The following SPINT4 variants were observed in gnomAD, a reference collection of about 807,000 sequenced individuals.
SPINT4 encodes the protein serine peptidase inhibitor, Kunitz type 4, also known as kunitz-type protease inhibitor 4.
Under a neutral mutation model 9.4 loss-of-function variants are expected in SPINT4, and 7 were observed. The ratio of observed to expected loss-of-function variants is 0.74; its 90% confidence interval spans 0.42 to 1.40. The LOEUF (loss-of-function observed/expected upper bound fraction) is 1.40, where lower values mean the gene tolerates loss of function less well. SPINT4 is among the 40% of genes most tolerant of loss of function. The pLI is 0.01. For synonymous variants in SPINT4, 36 were observed against 39.9 expected, an observed-to-expected ratio of 0.90 and a Z score of 0.37; for missense variants, 105 against 114.4, an observed-to-expected ratio of 0.92 and a Z score of 0.37.
Position 45,725,650 on chromosome 20 carries a change from A to T in SPINT4, c.*15A>T. The T allele has an allele frequency of 1.9e-6, 3 of 1,613,682 alleles. No individual in the cohort carries two copies. The highest frequency in any genetic ancestry group is 2.5e-6 in the Non-Finnish European group (3 of 1,179,600). On this transcript the variant is annotated 3_prime_UTR_variant, in exon 3 of 3. Transcript: ENST00000279058. The stretch of plus-strand genomic sequence containing the variant: ...ACAGGAGGTGAGAGGATGTGAACTC[A>T]TGAAGTTGTCTGCTGCACCATCCGA...
In SPINT4 at chr20:45,724,853, G is replaced by C. The variant is rs111905671; in HGVS notation, c.294-776G>C. On this transcript the variant is annotated intron_variant, in intron 2 of 2. Transcript: ENST00000279058. ...AAATTTGCCAGGCGTGGTGGCAGGCGCCTGTAGTCCCAGCTACTCGGGAGG... is the reference window on the plus strand; with the variant it reads ...AAATTTGCCAGGCGTGGTGGCAGGCCCCTGTAGTCCCAGCTACTCGGGAGG... Among the ~76,000 whole-genome samples, 3 of 146,022 alleles carry C rather than the reference G, an allele frequency of 2.1e-5. No individual in the cohort carries two copies. In the South Asian group the frequency reaches 6.6e-4, roughly 32 times the overall value.
chr20:45,722,855 T>C lies in SPINT4; in HGVS notation c.115+373T>C, dbSNP rs149467035. 1.7e-3 allele frequency among the ~76,000 whole-genome samples: 253 copies of C among 152,248 alleles called. 8 individuals are homozygous for C. The East Asian group carries it at 0.043, about 26-fold the overall frequency. ...AGCAAATTAAGACATTTTCAGTATCTGGGCTATGGACATATACAGAACTCT... is the reference window on the plus strand; with the variant it reads ...AGCAAATTAAGACATTTTCAGTATCCGGGCTATGGACATATACAGAACTCT... On this transcript the variant is annotated intron_variant, in intron 1 of 2. Coordinates refer to ENST00000279058, the MANE Select transcript of SPINT4 (RefSeq NM_178455.3).
chr20:45,724,134 T>C (rs989675023), intron 2 of SPINT4, 77 bp downstream of exon 2: 7 of 1,427,714 alleles, frequency 4.9e-6, no homozygotes, highest in Non-Finnish European at 6.7e-6. Flanking sequence ...TAGAGAAAAT[T>C]GATCAGGGGC....
rs201068059 is a variant in SPINT4 at position 45,722,383 on chromosome 20, C to T, written c.16C>T (p.Leu6=). ...TTGCTGCACCATGAAGTCTGCCAAG[C>T]TGGGATTTCTTCTAAGATTCTTCAT... MKSAK[L]GFLLRFFIFC... The change falls in exon 1 of 3, where the codon CTG becomes TTG. Residue 6 remains leucine (L), a synonymous_variant. Transcript: ENST00000279058. The T allele has an allele frequency of 2.3e-3, 3,676 of 1,612,660 alleles. 97 individuals are homozygous for T. In the South Asian group the frequency reaches 0.038, roughly 17 times the overall value.
rs1419911287 is a variant in SPINT4, at chr20:45,723,870, T to C, written c.116-10T>C. 6.4e-7 allele frequency: 1 copy of C among 1,566,832 alleles called. No homozygotes were observed. Among genetic ancestry groups the C allele is most frequent in the African/African-American group, 1.4e-5 (1 of 71,462 alleles). ...AATTCCCACTAACTCAATGGGAACC[T>C]CTCATGCAGATCCCTGCAAATTGGA... On this transcript the variant is annotated splice_polypyrimidine_tract_variant and intron_variant, in intron 1 of 2. Coordinates refer to ENST00000279058, the MANE Select transcript of SPINT4 (RefSeq NM_178455.3).
At chr20:45,723,252 G>A (rs943645997) in intron 1 of SPINT4, among the ~76,000 whole-genome samples, 24 of 152,076 alleles carry the variant, frequency 1.6e-4, no homozygotes, top group Non-Finnish European at 4.4e-5. Flanking sequence ...CATGATTGTG[G>A]CTGTTCCAAC....
At position 45,725,640 on chromosome 20, in the gene SPINT4, A is replaced by T; in HGVS notation, c.*5A>T. The T allele has an allele frequency of 6.2e-7, 1 of 1,613,800 alleles. No homozygotes were observed. ...CTTTGCTTAAACAGGAGGTGAGAGGATGTGAACTCATGAAGTTGTCTGCTG... is the reference window on the plus strand; with the variant it reads ...CTTTGCTTAAACAGGAGGTGAGAGGTTGTGAACTCATGAAGTTGTCTGCTG... On this transcript the variant is annotated 3_prime_UTR_variant, in exon 3 of 3. Coordinates refer to ENST00000279058, the MANE Select transcript of SPINT4 (RefSeq NM_178455.3).
At chr20:45,723,044 A>G (rs1263522882) in intron 1 of SPINT4, among the ~76,000 whole-genome samples, 1 of 152,142 alleles carries the variant, frequency 6.6e-6, no homozygotes, top group Non-Finnish European at 1.5e-5. Flanking sequence ...CTGTTCACTT[A>G]GCAGATATGT....
chr20:45,725,736 T>C lies in SPINT4; in HGVS notation c.*101T>C. 1 of 1,469,230 alleles carries C rather than the reference T, an allele frequency of 6.8e-7. No homozygotes were observed. Among genetic ancestry groups the C allele is most frequent in the Non-Finnish European group, 9.5e-7 (1 of 1,050,212 alleles). The allele number at this position is 1,469,230 out of a possible 1,614,324, so 91.0% of individuals were successfully genotyped here. A position where few individuals can be genotyped will look rare whatever the true frequency, so the allele number is the denominator to read the frequency against. On this transcript the variant is annotated 3_prime_UTR_variant, in exon 3 of 3. Transcript: ENST00000279058. ...ATCTTTGTAATATTTCCATAATGCT[T>C]TAAGCTTCCATATGTTTGCTATTTT...
chr20:45,724,320 C>A (rs1295893604), intron 2 of SPINT4, among the ~76,000 whole-genome samples: 1 of 151,720 alleles, frequency 6.6e-6, no homozygotes, highest in East Asian at 2.0e-4. Flanking sequence ...GAAACCCCAT[C>A]TTTACTAAAA....
Position 45,724,979 on chromosome 20 carries a change from C to CAAAAAAAAAA in SPINT4, c.294-642_294-633dup, listed in dbSNP as rs1168670011. ...TGGGAGACAAAGTGAGACTCCATCT[C>CAAAAAAAAAA]AAAAAAAAAAAAAAAAATATATATA... On this transcript the variant is annotated intron_variant, in intron 2 of 2. Transcript: ENST00000279058. Among the ~76,000 whole-genome samples the CAAAAAAAAAA allele has an allele frequency of 1.6e-3, 44 of 27,184 alleles. 4 individuals are homozygous for CAAAAAAAAAA. The highest frequency in any genetic ancestry group is 1.7e-3 in the Admixed American group (3 of 1,768). 17.8% of individuals were successfully genotyped at this position (27,184 alleles called of 152,430 possible).
Position 45,725,635 on chromosome 20 carries a change from A to G in SPINT4, c.300A>G (p.Ter100TrpextTer6), listed in dbSNP as rs1484678055. ...ACVAKYKPPR* is the reference protein window; with the variant it reads ...ACVAKYKPPRW ...CTTTCCTTTGCTTAAACAGGAGGTGAGAGGATGTGAACTCATGAAGTTGTC... is the reference window on the plus strand; with the variant it reads ...CTTTCCTTTGCTTAAACAGGAGGTGGGAGGATGTGAACTCATGAAGTTGTC... Residue 100 changes from the stop codon to tryptophan, a stop_lost, in exon 3 of 3, where the codon TGA (stop) becomes TGG (tryptophan). Transcript: ENST00000279058. The G allele has an allele frequency of 1.2e-6, 2 of 1,613,860 alleles. No homozygotes were observed. Among genetic ancestry groups the G allele is most frequent in the Admixed American group, 3.3e-5 (2 of 60,014 alleles).
chr20:45,725,063 G>T (rs760481621), intron 2 of SPINT4, among the ~76,000 whole-genome samples: 51 of 134,228 alleles, frequency 3.8e-4, no homozygotes, highest in Non-Finnish European at 6.6e-4. Context: ...TGTGACAGAT[G>T]AAGAAACCAA....
rs1233919522 is a variant in SPINT4 at position 45,723,933 on chromosome 20, T to C, written c.169T>C (p.Tyr57His). The C allele has an allele frequency of 6.2e-7, 1 of 1,606,064 alleles. No individual in the cohort carries two copies. Among genetic ancestry groups the C allele is most frequent in the Non-Finnish European group, 8.5e-7 (1 of 1,178,080 alleles). ...FGSCYEVHFR[Y>H]FYNRTSKRCE... Reference sequence around the variant, plus strand: ...AAGCTGCTATGAAGTTCACTTTAGATATTTCTACAACAGAACCTCCAAAAG... The same window carrying C: ...AAGCTGCTATGAAGTTCACTTTAGACATTTCTACAACAGAACCTCCAAAAG... The change falls in exon 2 of 3, where the codon TAT (tyrosine) becomes CAT (histidine). Residue 57 changes from tyrosine (Y) to histidine (H), a missense_variant. By Grantham distance (83) the Tyr-to-His change is moderately conservative (BLOSUM62 2). Coordinates refer to ENST00000279058, the MANE Select transcript of SPINT4 (RefSeq NM_178455.3).
At chr20:45,725,596 C>T (rs1303667026) in intron 2 of SPINT4, 33 bp from the exon 3 acceptor site, 2 of 1,613,318 alleles carry the variant, frequency 1.2e-6, no homozygotes, top group African/African-American at 1.3e-5. Context: ...CCTGTAACAC[C>T]GATTTGGGTT....
At chr20:45,725,456 T>C (rs1438265205) in intron 2 of SPINT4, among the ~76,000 whole-genome samples, 173 bp from the exon 3 acceptor site, 1 of 152,032 alleles carries the variant, frequency 6.6e-6, no homozygotes, top group African/African-American at 2.4e-5. Context: ...AAGCAATGAT[T>C]AAGTGTTAAG....
chr20:45,724,995 A>AAAAAATAT (rs1387842262), intron 2 of SPINT4, among the ~76,000 whole-genome samples: 2 of 36,430 alleles, frequency 5.5e-5, no homozygotes, highest in Non-Finnish European at 8.6e-5. Context: ...AAAAAAAAAA[A>AAAAAATAT]ATATATATAT....
rs1205786366 is a variant in SPINT4 at position 45,723,897 on chromosome 20, A to G, written c.133A>G (p.Met45Val). ...GDLKDPCKLD[M>V]NFGSCYEVHF... is the part of the protein sequence containing the mutation. ...TCATGCAGATCCCTGCAAATTGGACATGAATTTTGGAAGCTGCTATGAAGT... is the reference window on the plus strand; with the variant it reads ...TCATGCAGATCCCTGCAAATTGGACGTGAATTTTGGAAGCTGCTATGAAGT... Residue 45 changes from methionine (M) to valine (V), a missense_variant, in exon 2 of 3, where the codon ATG becomes GTG. Physicochemically the swap from Met to Val is conservative, Grantham distance 21. Coordinates refer to ENST00000279058, the MANE Select transcript of SPINT4 (RefSeq NM_178455.3). 1.3e-6 allele frequency: 2 copies of G among 1,592,368 alleles called. No homozygotes were observed. Among genetic ancestry groups the G allele is most frequent in the Non-Finnish European group, 1.7e-6 (2 of 1,173,874 alleles).
At chr20:45,722,712 T>C (rs1305931589) in intron 1 of SPINT4, among the ~76,000 whole-genome samples, 1 of 152,102 alleles carries the variant, frequency 6.6e-6, no homozygotes, top group Non-Finnish European at 1.5e-5. Flanking sequence ...AGACCTCTTT[T>C]ATAGGAGGTC....
Sources: allele counts gnomAD v4.1 joint callset (sites outside exome capture counted in the v4.1 genomes callset), GRCh38; gene constraint gnomAD v4.1.1; transcripts MANE v1.5; gene names NCBI Gene and HGNC (gene_info 2026-07-23, HGNC 2026-07-21).